Variants in GALNT13 observed in about 807,000 individuals in gnomAD.
GALNT13 encodes the protein UDP-GalNAc:polypeptide N-acetylgalactosaminyltransferase 13.
A neutral mutation model predicts 64.2 loss-of-function variants in GALNT13; 28 were observed. That is an observed-to-expected ratio of 0.44 (90% CI 0.32 to 0.60). GALNT13 has a LOEUF of 0.60. GALNT13 is among the 20% of genes least tolerant of loss of function. The pLI, the probability that GALNT13 is intolerant of heterozygous loss-of-function variation, is 0.05. For synonymous variants in GALNT13, 214 were observed against 224.6 expected (o/e 0.95, Z 0.42); for missense variants, 577 against 669.8 (o/e 0.86, Z 1.53).
chr2:154,196,564 A>C (rs1686890403), intron 4 of GALNT13, among the ~76,000 whole-genome samples: 2 of 152,204 alleles, frequency 1.3e-5, no homozygotes, highest in Admixed American at 1.3e-4. Context: ...GCTGTAACAA[A>C]ATTTAATTCC....
At chr2:153,254,533 C>T in the GALNT13 span, among the ~76,000 whole-genome samples, 3 of 152,114 alleles carry the variant, frequency 2.0e-5, no homozygotes, top group Non-Finnish European at 4.4e-5. Flanking sequence ...TTTGCCCTTG[C>T]TTTTCTAGTT....
chr2:153,438,240 T>C, the GALNT13 span, among the ~76,000 whole-genome samples: 4 of 152,250 alleles, frequency 2.6e-5, no homozygotes, highest in African/African-American at 9.6e-5. Context: ...CTGACCTTTC[T>C]CTCTGGCTGT....
chr2:153,551,445 G>A, the GALNT13 span, among the ~76,000 whole-genome samples: 1 of 152,124 alleles, frequency 6.6e-6, no homozygotes, highest in Non-Finnish European at 1.5e-5. Flanking sequence ...GGAAGACAAA[G>A]GCAACATTAA....
chr2:153,368,136 G>A, the GALNT13 span, among the ~76,000 whole-genome samples: 22 of 152,084 alleles, frequency 1.4e-4, no homozygotes, highest in African/African-American at 5.3e-4. Flanking sequence ...GTGCCATGCA[G>A]ACACCATCTG....
intron 3 of GALNT13, among the ~76,000 whole-genome samples, chr2:154,100,064 T>C (rs1298261541): frequency 1.3e-5 from 2 of 152,162 alleles, no homozygotes; most frequent in African/African-American, 4.8e-5. Context: ...ATTTCATTGA[T>C]CTCTGTCTCT....
chr2:154,235,765 G>A (rs1184781524), intron 4 of GALNT13, among the ~76,000 whole-genome samples: 2 of 152,086 alleles, frequency 1.3e-5, no homozygotes, highest in Admixed American at 6.6e-5. Context: ...GATCCTTTGT[G>A]ATTTCACATT....
the GALNT13 span, among the ~76,000 whole-genome samples, chr2:153,407,697 C>T: frequency 6.6e-6 from 1 of 152,098 alleles, no homozygotes; most frequent in Non-Finnish European, 1.5e-5. Flanking sequence ...GTACTTTCTT[C>T]CCTGGTGGAG....
At chr2:153,222,877 G>C in the GALNT13 span, among the ~76,000 whole-genome samples, 1 of 152,194 alleles carries the variant, frequency 6.6e-6, no homozygotes, top group African/African-American at 2.4e-5. Context: ...GGTTTCCTGG[G>C]CCACTGAGAG....
intron 4 of GALNT13, among the ~76,000 whole-genome samples, chr2:154,217,606 C>A (rs1335739807): frequency 6.6e-6 from 1 of 151,940 alleles, no homozygotes; most frequent in East Asian, 1.9e-4. Flanking sequence ...CTTATGTATA[C>A]AAAGCTTTGG....
the GALNT13 span, among the ~76,000 whole-genome samples, chr2:153,424,171 A>C: frequency 6.6e-6 from 1 of 150,762 alleles, no homozygotes; most frequent in African/African-American, 2.4e-5. Flanking sequence ...CAATTGGCTA[A>C]ACATACAGAA....
At chr2:153,118,440 G>A in the GALNT13 span, among the ~76,000 whole-genome samples, 42 of 152,188 alleles carry the variant, frequency 2.8e-4, no homozygotes, top group Non-Finnish European at 1.3e-4. Context: ...CATACAAGCA[G>A]GTGGTTGCTG....
intron 3 of GALNT13, among the ~76,000 whole-genome samples, chr2:154,010,891 G>C (rs1022155073): frequency 3.3e-5 from 5 of 151,690 alleles, no homozygotes; most frequent in African/African-American, 7.3e-5. Context: ...ATTCATAATA[G>C]TCTCTGAGGG....
At chr2:154,349,674 G>A (rs1452392778) in intron 9 of GALNT13, among the ~76,000 whole-genome samples, 1 of 152,230 alleles carries the variant, frequency 6.6e-6, no homozygotes, top group African/African-American at 2.4e-5. Context: ...CACAGGTGCA[G>A]AGAGAGAAGC....
intron 2 of GALNT13, among the ~76,000 whole-genome samples, chr2:153,911,251 C>T (rs1688915987): frequency 2.0e-5 from 3 of 151,934 alleles, no homozygotes; most frequent in Non-Finnish European, 4.4e-5. Flanking sequence ...TTATGTTTTC[C>T]ATTTGCTTGG....
At position 154,245,882 on chromosome 2, in the gene GALNT13, A is replaced by T. The variant is rs1371225237; in HGVS notation, c.757A>T (p.Met253Leu). The T allele has an allele frequency of 1.2e-6, 2 of 1,612,998 alleles. No homozygotes were observed. Among genetic ancestry groups the T allele is most frequent in the Non-Finnish European group, 1.7e-6 (2 of 1,179,220 alleles). The change falls in exon 7 of 13, where the codon ATG (methionine) becomes TTG (leucine). Residue 253 changes from methionine to leucine, a missense_variant. This residue lies in a region of GALNT13 where 341 missense variants were observed against 379.3 expected (regional missense o/e 0.90). Coordinates refer to ENST00000392825, the MANE Select transcript of GALNT13 (RefSeq NM_052917.4). ...DTFEYMAGSD[M>L]TYGGFNWKLN... ...TTTTGAATATATGGCTGGGTCAGAC[A>T]TGACTTATGGGGGTTTTAACTGGAA... is the stretch of plus-strand genomic sequence containing the variant.
chr2:154,093,822 A>G (rs12995619), intron 3 of GALNT13, among the ~76,000 whole-genome samples: 1 of 151,828 alleles, frequency 6.6e-6, no homozygotes. Context: ...ATTAAAGAGC[A>G]TAACTCAAAG....
At chr2:153,319,078 G>A in the GALNT13 span, among the ~76,000 whole-genome samples, 3 of 152,120 alleles carry the variant, frequency 2.0e-5, no homozygotes, top group Admixed American at 6.5e-5. Flanking sequence ...ATCACAGGCA[G>A]GATTTGAATC....
intron 3 of GALNT13, among the ~76,000 whole-genome samples, chr2:154,134,040 C>T (rs1682805018): frequency 6.6e-6 from 1 of 152,068 alleles, no homozygotes; most frequent in Non-Finnish European, 1.5e-5. Flanking sequence ...TGGAGAACCA[C>T]ACACGGGAAG....
the GALNT13 span, among the ~76,000 whole-genome samples, chr2:153,801,858 A>T: frequency 6.6e-6 from 1 of 152,046 alleles, no homozygotes; most frequent in Non-Finnish European, 1.5e-5. Context: ...GTTTCCACTT[A>T]TGTATGGTAT....
Sources: gnomAD v4.1 joint callset for allele counts (sites outside exome capture counted in the v4.1 genomes callset) on GRCh38, gnomAD v4.1.1 for gene constraint, gnomAD v4.1.1 regional missense constraint, MANE v1.5 for transcripts, NCBI Gene and HGNC (gene_info 2026-07-23, HGNC 2026-07-21) for gene names.